Variants in SPRTN observed in about 807,000 individuals in gnomAD.
SPRTN encodes SprT-like N-terminal domain, also known as DNA-dependent metalloprotease SPRTN.
In SPRTN, 11 loss-of-function variants were observed where a neutral mutation model predicts 31.9. That is an observed-to-expected ratio of 0.34 (90% CI 0.22 to 0.57). SPRTN has a LOEUF of 0.57. Among genes scored for constraint, SPRTN ranks in the 20% least tolerant of loss-of-function variants. The pLI, the probability that SPRTN is intolerant of heterozygous loss-of-function variation, is 0.86. For synonymous variants in SPRTN, 185 were observed against 212.1 expected, an observed-to-expected ratio of 0.87 and a Z score of 1.11; for missense variants, 482 against 590.1, an observed-to-expected ratio of 0.82 and a Z score of 1.90.
chr1:231,350,100 G>A (rs773523206), intron 3 of SPRTN, among the ~76,000 whole-genome samples: 13 of 152,150 alleles, frequency 8.5e-5, no homozygotes, highest in Admixed American at 6.5e-4. Flanking sequence ...GTGGTTTCCC[G>A]TGCTTCTTTG....
Position 231,352,665 on chromosome 1 carries a change from T to C in SPRTN, c.774T>C (p.Tyr258=), listed in dbSNP as rs200649082. The change falls in exon 5 of 5, where the codon TAT becomes TAC. Residue 258 remains tyrosine (Y), a synonymous_variant. Transcript: ENST00000295050. Reference sequence around the variant, plus strand: ...TAATCCCTTTTAGTGGGAAAGGATATGTTCTAGGAGAAACAAGCAATTTAC... The same window carrying C: ...TAATCCCTTTTAGTGGGAAAGGATACGTTCTAGGAGAAACAAGCAATTTAC... ...QLVIPFSGKG[Y]VLGETSNLPS... is the part of the protein sequence containing the mutation. 2.6e-4 allele frequency: 417 copies of C among 1,612,216 alleles called. 1 individual carries two copies. The highest frequency in any genetic ancestry group is 1.4e-4 in the Non-Finnish European group (160 of 1,179,414).
intron 4 of SPRTN, chr1:231,352,230 G>C: frequency 3.0e-6 from 3 of 999,912 alleles, no homozygotes; most frequent in Middle Eastern, 5.1e-4. Context: ...TAGATGAATT[G>C]ATATGGAAAG....
intron 3 of SPRTN, among the ~76,000 whole-genome samples, chr1:231,349,406 G>A (rs570155211): frequency 9.2e-5 from 14 of 152,228 alleles, no homozygotes; most frequent in African/African-American, 3.4e-4. Flanking sequence ...CATAAAATCC[G>A]GGTTAGCAAG....
At chr1:231,346,937 G>A (rs1687079839) in intron 2 of SPRTN, among the ~76,000 whole-genome samples, 1 of 97,840 alleles carries the variant, frequency 1.0e-5, no homozygotes, top group Admixed American at 9.8e-5. Context: ...GTAAGACCCT[G>A]TCTCAAAAAA....
intron 3 of SPRTN, among the ~76,000 whole-genome samples, chr1:231,349,796 G>A (rs1687168050): frequency 6.6e-6 from 1 of 152,176 alleles, no homozygotes; most frequent in South Asian, 2.1e-4. Context: ...GGTAACTTGA[G>A]CCCAGGTGTT....
At position 231,351,418 on chromosome 1, in the gene SPRTN, A is replaced by AG. The variant is rs1491313737; in HGVS notation, c.568dup (p.Glu190GlyfsTer6). 6.2e-7 allele frequency: 1 copy of AG among 1,614,178 alleles called. No individual in the cohort carries two copies. On this transcript the variant is annotated frameshift_variant, in exon 4 of 5. Transcript: ENST00000295050. LOFTEE classifies it high-confidence loss of function. ...CGGCTATGTCAAACGAGCTACTAAC[A>AG]GGGAACCCTCTGCTCATGACTATTG...
At chr1:231,350,532 A>T (rs1687192700) in intron 3 of SPRTN, among the ~76,000 whole-genome samples, 1 of 152,054 alleles carries the variant, frequency 6.6e-6, no homozygotes, top group Admixed American at 6.6e-5. Flanking sequence ...AAAAGAAGGC[A>T]TCCTACTTAA....
intron 4 of SPRTN, 178 bp from the exon 5 acceptor site, chr1:231,352,432 T>C: frequency 7.7e-7 from 1 of 1,298,090 alleles, no homozygotes; most frequent in Non-Finnish European, 9.8e-7. Context: ...TCTCTCAATA[T>C]CAGAACTCCT....
In SPRTN at chr1:231,345,931, G is replaced by A. The variant is rs931516141; in HGVS notation, c.322-1866G>A. ...GGCCTCAAGTGATCCTCCCATCTCC[G>A]CCTCCTGAGTAGCTAGGACTACAGA... is the stretch of plus-strand genomic sequence containing the variant. On this transcript the variant is annotated intron_variant, in intron 2 of 4. Transcript: ENST00000295050. Among the ~76,000 whole-genome samples, 5 of 151,980 alleles carry A rather than the reference G, an allele frequency of 3.3e-5. No individual in the cohort carries two copies. In the South Asian group the frequency reaches 8.3e-4, roughly 25 times the overall value.
intron 3 of SPRTN, among the ~76,000 whole-genome samples, chr1:231,349,995 A>G (rs768836136): frequency 5.9e-5 from 9 of 152,228 alleles, no homozygotes; most frequent in Non-Finnish European, 2.9e-5. Context: ...CTGGGCAAAC[A>G]GAGCAAGTCC....
At chr1:231,345,800 T>G (rs1687040177) in intron 2 of SPRTN, among the ~76,000 whole-genome samples, 1 of 152,130 alleles carries the variant, frequency 6.6e-6, no homozygotes, top group Non-Finnish European at 1.5e-5. Context: ...AATAACATCC[T>G]AGTGTAGTGT....
At chr1:231,349,690 C>A (rs1035813772) in intron 3 of SPRTN, among the ~76,000 whole-genome samples, 1 of 152,030 alleles carries the variant, frequency 6.6e-6, no homozygotes, top group Non-Finnish European at 1.5e-5. Context: ...CATTCCCAAG[C>A]GTTAGGAGTT....
rs560981620 is a variant in SPRTN at position 231,338,619 on chromosome 1, C to G, written c.221+15C>G. 1.9e-6 allele frequency: 3 copies of G among 1,613,384 alleles called. No individual in the cohort carries two copies. Among genetic ancestry groups the G allele is most frequent in the Non-Finnish European group, 1.7e-6 (2 of 1,179,380 alleles). On this transcript the variant is annotated intron_variant, in intron 1 of 4. Transcript: ENST00000295050. ...CGAATGACCCTGTGAGTTCCGAGCC[C>G]CGCTGGGGAAAGAGGCGGGACTGGC... is the stretch of plus-strand genomic sequence containing the variant.
Position 231,352,939 on chromosome 1 carries a change from C to T in SPRTN, c.1048C>T (p.Pro350Ser). The T allele has an allele frequency of 6.2e-7, 1 of 1,614,112 alleles. No homozygotes were observed. Among genetic ancestry groups the T allele is most frequent in the East Asian group, 2.2e-5 (1 of 44,872 alleles). The change falls in exon 5 of 5, where the codon CCA becomes TCA. Residue 350 changes from proline (P) to serine (S), a missense_variant. Around this residue, in one of 2 missense-constraint regions of SPRTN, gnomAD observed 325 missense variants for 350.2 expected, o/e 0.93. Coordinates refer to ENST00000295050, the MANE Select transcript of SPRTN (RefSeq NM_032018.7). ...QKAFRGVNGSPRISVTVGNIP... is the reference protein window; with the variant it reads ...QKAFRGVNGSSRISVTVGNIP... The stretch of plus-strand genomic sequence containing the variant: ...GGCTTTCAGAGGTGTGAATGGATCT[C>T]CAAGGATAAGTGTAACAGTTGGCAA...
At chr1:231,351,738 G>T (rs938219554) in intron 4 of SPRTN, 167 bp downstream of exon 4, 2 of 1,428,790 alleles carry the variant, frequency 1.4e-6, no homozygotes, top group African/African-American at 2.9e-5. Context: ...TGAAATGATG[G>T]TAGGAAAACA....
intron 2 of SPRTN, chr1:231,340,137 C>T (rs1050343467): frequency 1.6e-5 from 4 of 257,070 alleles, no homozygotes; most frequent in Admixed American, 5.3e-5. Flanking sequence ...CCGAGGCGGG[C>T]GGATCACGAG....
At chr1:231,351,692 T>A in intron 4 of SPRTN, 121 bp downstream of exon 4, 1 of 1,493,554 alleles carries the variant, frequency 6.7e-7, no homozygotes, top group South Asian at 1.4e-5. Flanking sequence ...GTAGAAGTCT[T>A]CAAGTGTAGA....
At chr1:231,343,340 T>TAC (rs1686959134) in intron 2 of SPRTN, among the ~76,000 whole-genome samples, 2 of 152,110 alleles carry the variant, frequency 1.3e-5, no homozygotes, top group Admixed American at 1.3e-4. Context: ...TATATATATA[T>TAC]ATTACATAGG....
intron 1 of SPRTN, 184 bp from the exon 2 acceptor site, chr1:231,339,585 G>A: frequency 2.6e-6 from 2 of 761,450 alleles, no homozygotes; most frequent in East Asian, 2.7e-5. Context: ...CGGAGCCATC[G>A]CGGGAGGCGC....
Sources: gnomAD v4.1 joint callset for allele counts (sites outside exome capture counted in the v4.1 genomes callset) on GRCh38, gnomAD v4.1.1 for gene constraint, gnomAD v4.1.1 regional missense constraint, MANE v1.5 for transcripts, NCBI Gene and HGNC (gene_info 2026-07-23, HGNC 2026-07-21) for gene names.